The following PCDH15 variants were observed in gnomAD, a reference collection of about 807,000 sequenced individuals.
The protein encoded by PCDH15 is protocadherin-15.
PCDH15 carries 129 observed loss-of-function variants against 178.5 expected under a neutral mutation model. The ratio of observed to expected loss-of-function variants is 0.72; its 90% CI spans 0.63 to 0.84. The LOEUF is 0.84. Ranked by LOEUF, PCDH15 falls within the 40% of genes least tolerant of loss-of-function variation. The pLI, the probability that PCDH15 is intolerant of heterozygous loss-of-function variation, is 0.00. For missense variants in PCDH15, 2,230 were observed against 2,099.9 expected, an observed-to-expected ratio of 1.06 and a Z score of -1.21; for synonymous variants, 800 against 732.0, an observed-to-expected ratio of 1.09 and a Z score of -1.50.
At chr10:55,438,947 G>T (rs1839112838) in intron 2 of PCDH15, among the ~76,000 whole-genome samples, 1 of 151,582 alleles carries the variant, frequency 6.6e-6, no homozygotes, top group Admixed American at 6.6e-5. Flanking sequence ...CACCCAGGCT[G>T]GAGTGCAGTG....
chr10:54,369,271 G>C lies in PCDH15; in HGVS notation c.323C>G (p.Pro108Arg). 1 of 1,612,200 alleles carries C rather than the reference G, an allele frequency of 6.2e-7. No homozygotes were observed. Among genetic ancestry groups the C allele is most frequent in the African/African-American group, 1.3e-5 (1 of 74,892 alleles). The change falls in exon 5 of 38, where the codon CCG becomes CGG. Residue 108 changes from proline to arginine, a missense_variant. Transcript: ENST00000644397. The stretch of plus-strand genomic sequence containing the variant: ...CACCACAATGGAGTGTATGTTCATC[G>C]GTGGCTGCAATGTAGAAATTGCATC... ...STGRVLDRDP[P>R]MNIHSIVVQV...
At chr10:54,278,103 T>A (rs186439517) in intron 8 of PCDH15, among the ~76,000 whole-genome samples, 1 of 151,570 alleles carries the variant, frequency 6.6e-6, no homozygotes, top group African/African-American at 2.4e-5. Flanking sequence ...GATAAAATAG[T>A]AATAAAAGCT....
intron 37 of PCDH15, among the ~76,000 whole-genome samples, chr10:53,809,945 C>T (rs898411835): frequency 3.9e-5 from 6 of 152,078 alleles, no homozygotes; most frequent in East Asian, 3.9e-4. Context: ...GAAAATATGA[C>T]GATTTATCTC....
intron 23 of PCDH15, among the ~76,000 whole-genome samples, chr10:53,958,389 CT>C (rs1276685069): frequency 6.6e-6 from 1 of 152,156 alleles, no homozygotes; most frequent in Non-Finnish European, 1.5e-5. Flanking sequence ...TCTACATTTC[CT>C]TCAATCTACA....
intron 1 of PCDH15, among the ~76,000 whole-genome samples, chr10:55,305,320 A>G (rs970704967): frequency 1.3e-5 from 2 of 152,254 alleles, no homozygotes; most frequent in Non-Finnish European, 2.9e-5. Flanking sequence ...AGCCAAGCAT[A>G]TGAATTTGAA....
intron 3 of PCDH15, among the ~76,000 whole-genome samples, chr10:54,876,464 A>G (rs1315559577): frequency 2.6e-5 from 4 of 152,190 alleles, no homozygotes. Context: ...CTTACAAGGA[A>G]TCCGGGCAAA....
At chr10:54,765,530 T>C (rs1347474335) in intron 1 of PCDH15, among the ~76,000 whole-genome samples, 1 of 152,144 alleles carries the variant, frequency 6.6e-6, no homozygotes, top group Non-Finnish European at 1.5e-5. Context: ...ACCCAGAATT[T>C]TGTTTGGACA....
chr10:55,120,716 T>C (rs1310969224), intron 2 of PCDH15, among the ~76,000 whole-genome samples: 1 of 152,168 alleles, frequency 6.6e-6, no homozygotes, highest in Non-Finnish European at 1.5e-5. Context: ...TCACCTCAAG[T>C]ATCTGCTCCC....
At chr10:55,009,125 G>T (rs1591833240) in intron 2 of PCDH15, among the ~76,000 whole-genome samples, 1 of 152,044 alleles carries the variant, frequency 6.6e-6, no homozygotes, top group Non-Finnish European at 1.5e-5. Context: ...AATTCTGACA[G>T]ATCTTTTCAA....
chr10:54,439,414 A>T (rs2075653302), intron 3 of PCDH15, among the ~76,000 whole-genome samples: 2 of 152,094 alleles, frequency 1.3e-5, no homozygotes, highest in African/African-American at 2.4e-5. Flanking sequence ...CTGGTGAAGC[A>T]TTTTAATGAG....
chr10:54,762,765 C>A (rs1047725657), intron 1 of PCDH15, among the ~76,000 whole-genome samples: 6 of 151,700 alleles, frequency 4.0e-5, no homozygotes, highest in Non-Finnish European at 8.8e-5. Flanking sequence ...TTTAGCTAGC[C>A]TTTTTTAAAG....
At chr10:53,994,994 C>T (rs2091755406) in intron 21 of PCDH15, 1 of 151,816 alleles carries the variant, frequency 6.6e-6, no homozygotes, top group Non-Finnish European at 1.5e-5. Flanking sequence ...TGTGAGCCCA[C>T]TCAGAGAAAA....
At chr10:55,289,380 AAAG>A (rs920177876) in intron 1 of PCDH15, among the ~76,000 whole-genome samples, 10 of 152,054 alleles carry the variant, frequency 6.6e-5, no homozygotes, top group African/African-American at 2.4e-4. Context: ...AAAAAGAAAG[AAAG>A]AAGGAGACAG....
At chr10:54,265,611 A>G (rs2057622877) in intron 8 of PCDH15, among the ~76,000 whole-genome samples, 1 of 152,130 alleles carries the variant, frequency 6.6e-6, no homozygotes, top group African/African-American at 2.4e-5. Context: ...AACAAAAAAG[A>G]GCAGGAGTTT....
At chr10:55,483,302 G>A in intron 2 of PCDH15, among the ~76,000 whole-genome samples, 1 of 151,594 alleles carries the variant, frequency 6.6e-6, no homozygotes, top group Middle Eastern at 3.4e-3. Context: ...CCATAAAAAA[G>A]TGGGCAAAGT....
intron 2 of PCDH15, among the ~76,000 whole-genome samples, chr10:55,066,296 A>C (rs1425815137): frequency 6.6e-6 from 1 of 151,058 alleles, no homozygotes; most frequent in African/African-American, 2.4e-5. Context: ...CTACTTTTTT[A>C]AATTAATTAA....
intron 3 of PCDH15, among the ~76,000 whole-genome samples, chr10:54,854,492 G>A (rs754518002): frequency 9.9e-5 from 15 of 152,168 alleles, no homozygotes; most frequent in Non-Finnish European, 5.9e-5. Context: ...TTTGTTGAGT[G>A]ATAAAACAGT....
At chr10:54,752,476 C>CAAAA in intron 1 of PCDH15, among the ~76,000 whole-genome samples, 1 of 89,776 alleles carries the variant, frequency 1.1e-5, no homozygotes, top group East Asian at 2.2e-4. Context: ...GACTCCGTCT[C>CAAAA]AAAAAAAAAA....
At chr10:54,178,635 T>C (rs981664439) in intron 13 of PCDH15, among the ~76,000 whole-genome samples, 3 of 151,466 alleles carry the variant, frequency 2.0e-5, no homozygotes, top group Non-Finnish European at 4.4e-5. Flanking sequence ...AGAAGTGGGG[T>C]GAGGATCAGA....
Sources: allele counts gnomAD v4.1 joint callset (sites outside exome capture counted in the v4.1 genomes callset), GRCh38; gene constraint gnomAD v4.1.1; transcripts MANE v1.5; gene names NCBI Gene and HGNC (gene_info 2026-07-23, HGNC 2026-07-21).